Variants in ACADS observed in about 807,000 individuals in gnomAD.
ACADS encodes the protein acyl-CoA dehydrogenase short chain, also known as short-chain specific acyl-CoA dehydrogenase, mitochondrial.
Under a neutral mutation model 46.8 loss-of-function variants are expected in ACADS, and 28 were observed. The ratio of observed to expected loss-of-function variants is 0.60; its 90% confidence interval spans 0.44 to 0.82. The LOEUF (loss-of-function observed/expected upper bound fraction) is 0.82. Ranked by LOEUF, ACADS falls within the 40% of genes least tolerant of loss-of-function variation. The probability of loss-of-function intolerance (pLI) is 0.00; values close to 1 mark genes in which losing one functional copy is unlikely to be tolerated. For missense variants in ACADS, 528 were observed against 578.0 expected (o/e 0.91, Z 0.89); for synonymous variants, 236 against 237.7 (o/e 0.99, Z 0.07).
intron 6 of ACADS, 31 bp from the exon 7 acceptor site, chr12:120,738,502 G>A (rs1405218140): frequency 6.2e-7 from 1 of 1,605,910 alleles, no homozygotes; most frequent in South Asian, 1.1e-5. Context: ...CGCCCCGGCT[G>A]GCGGGCCACT....
At chr12:120,729,251 CTTTTTTCTTTTTTTT>C (rs1170957549) in intron 2 of ACADS, among the ~76,000 whole-genome samples, 2 of 135,182 alleles carry the variant, frequency 1.5e-5, no homozygotes, top group South Asian at 2.4e-4. Flanking sequence ...TTCTCTTTTT[CTTTTTTCTTTTTTTT>C]TTTTTTTTTG....
At chr12:120,735,856 A>G (rs1279234322) in intron 2 of ACADS, among the ~76,000 whole-genome samples, 1 of 151,854 alleles carries the variant, frequency 6.6e-6, no homozygotes, top group East Asian at 1.9e-4. Flanking sequence ...CGAGATCTGC[A>G]CTACTGCACT....
rs191127824 is a variant in ACADS at position 120,737,251 on chromosome 12, C to T, written c.361-105C>T. 19 of 1,529,868 alleles carry T rather than the reference C, an allele frequency of 1.2e-5. No individual in the cohort carries two copies. In the African/African-American group the frequency reaches 1.9e-4, roughly 15 times the overall value. 94.8% of individuals were successfully genotyped at this position (1,529,868 alleles called of 1,614,324 possible). A position where few individuals can be genotyped will look rare whatever the true frequency, so the allele number is the denominator to read the frequency against. Reference sequence around the variant, plus strand: ...CTCTGGAGACGTCACAGGCCTTGGTCCTACTGGGTAGGCCCTGGACAGAAC... The same window carrying T: ...CTCTGGAGACGTCACAGGCCTTGGTTCTACTGGGTAGGCCCTGGACAGAAC... On this transcript the variant is annotated intron_variant, in intron 3 of 9. Transcript: ENST00000242592.
At position 120,725,855 on chromosome 12, in the gene ACADS, G is replaced by A. The variant is rs1159423222; in HGVS notation, c.-31G>A. 1 of 1,534,858 alleles carries A rather than the reference G, an allele frequency of 6.5e-7. No homozygotes were observed. Among genetic ancestry groups the A allele is most frequent in the South Asian group, 1.2e-5 (1 of 83,836 alleles). On this transcript the variant is annotated 5_prime_UTR_variant, in exon 1 of 10. Transcript: ENST00000242592. ...CGGAACAGCGCGCTCGCAGCGGGAGGTCGCGAAGCCTGGGACTGTGTCTGT... is the reference window on the plus strand; with the variant it reads ...CGGAACAGCGCGCTCGCAGCGGGAGATCGCGAAGCCTGGGACTGTGTCTGT...
intron 2 of ACADS, among the ~76,000 whole-genome samples, chr12:120,734,002 G>A (rs1340420238): frequency 1.3e-5 from 2 of 152,154 alleles, no homozygotes; most frequent in Non-Finnish European, 2.9e-5. Context: ...TCCCTCTGCA[G>A]GCTCTGGGGA....
rs1382926332 is a variant in ACADS, at chr12:120,738,407, A to T, written c.752A>T (p.Asp251Val). The T allele has an allele frequency of 6.2e-7, 1 of 1,613,432 alleles. No individual in the cohort carries two copies. Among genetic ancestry groups the T allele is most frequent in the Admixed American group, 1.7e-5 (1 of 60,030 alleles). The change falls in exon 6 of 10, where the codon GAC becomes GTC. Residue 251 changes from aspartate (D) to valine (V), a missense_variant. By Grantham distance (152) the Asp-to-Val change is radical. Coordinates refer to ENST00000242592, the MANE Select transcript of ACADS (RefSeq NM_000017.4). ...LIFEDCRIPK[D>V]SILGEPGMGF... is the part of the protein sequence containing the mutation. The stretch of plus-strand genomic sequence containing the variant: ...TTTGAGGACTGTCGCATCCCCAAGG[A>T]CAGCATCCTGGGGGAGCCAGGGATG...
At chr12:120,734,753 ATT>A (rs34601782) in intron 2 of ACADS, among the ~76,000 whole-genome samples, 4 of 136,836 alleles carry the variant, frequency 2.9e-5, no homozygotes, top group Admixed American at 7.3e-5. Flanking sequence ...AAAAACAATA[ATT>A]TTTTTTTTTT....
rs777643097 is a variant in ACADS at position 120,739,257 on chromosome 12, C to T, written c.1087-39C>T. On this transcript the variant is annotated intron_variant, in intron 9 of 9. Coordinates refer to ENST00000242592, the MANE Select transcript of ACADS (RefSeq NM_000017.4). The stretch of plus-strand genomic sequence containing the variant: ...GCCCCTTCTCCAGCTTTCCCCACGC[C>T]GGGGTCTTCTCCCTCCTGAGCCACT... The T allele has an allele frequency of 5.1e-5, 82 of 1,612,842 alleles. No individual in the cohort carries two copies. The Admixed American group carries it at 9.8e-4, about 19-fold the overall frequency.
intron 2 of ACADS, among the ~76,000 whole-genome samples, chr12:120,730,089 T>C (rs558022496): frequency 1.3e-4 from 20 of 152,110 alleles, no homozygotes; most frequent in African/African-American, 4.3e-4. Context: ...TTCAAGCAAT[T>C]TTCCTGCCTC....
chr12:120,738,513 G>A lies in ACADS; in HGVS notation c.796-20G>A. Reference sequence around the variant, plus strand: ...CCCGCGCCCCGGCTGGCGGGCCACTGACCAGGGCGGTCCCCACAGCAAACC... The same window carrying A: ...CCCGCGCCCCGGCTGGCGGGCCACTAACCAGGGCGGTCCCCACAGCAAACC... On this transcript the variant is annotated intron_variant, in intron 6 of 9. Transcript: ENST00000242592. 1.2e-6 allele frequency: 2 copies of A among 1,606,888 alleles called. No individual in the cohort carries two copies.
At chr12:120,727,901 G>A (rs985660232) in intron 2 of ACADS, among the ~76,000 whole-genome samples, 1 of 151,956 alleles carries the variant, frequency 6.6e-6, no homozygotes, top group Admixed American at 6.6e-5. Context: ...CATACCCAAG[G>A]TCATGGAGCT....
chr12:120,738,933 C>CG lies in ACADS; in HGVS notation c.1029+19dup. ...TCATCAAGGTGCCCACAGGGGTCCC[C>CG]GAGCCATGGCCCAGAATGTGGTGGG... On this transcript the variant is annotated intron_variant, in intron 8 of 9. Transcript: ENST00000242592. The CG allele has an allele frequency of 6.2e-7, 1 of 1,612,850 alleles. No individual in the cohort carries two copies. Among genetic ancestry groups the CG allele is most frequent in the Non-Finnish European group, 8.5e-7 (1 of 1,179,744 alleles).
intron 2 of ACADS, among the ~76,000 whole-genome samples, chr12:120,729,870 G>A (rs1222525562): frequency 6.6e-6 from 1 of 152,194 alleles, no homozygotes; most frequent in Non-Finnish European, 1.5e-5. Flanking sequence ...GTGCTCTTAG[G>A]TGCTGCCCCA....
At chr12:120,738,782 C>A (rs932226538) in intron 7 of ACADS, 38 bp from the exon 8 acceptor site, 2 of 1,612,650 alleles carry the variant, frequency 1.2e-6, no homozygotes, top group African/African-American at 2.7e-5. Flanking sequence ...CCTGGAGGGG[C>A]AGCTGCTGAC....
At position 120,735,340 on chromosome 12, in the gene ACADS, G is replaced by A. The variant is rs555714187; in HGVS notation, c.211-1646G>A. ...GGATTACAGGTGTGAGTCACTGTGCGCAGTCCTTAAAAAAAAAAAAAAAAA... is the reference window on the plus strand; with the variant it reads ...GGATTACAGGTGTGAGTCACTGTGCACAGTCCTTAAAAAAAAAAAAAAAAA... On this transcript the variant is annotated intron_variant, in intron 2 of 9. Transcript: ENST00000242592. Among the ~76,000 whole-genome samples the A allele has an allele frequency of 2.7e-4, 35 of 131,458 alleles. 1 individual carries two copies. The South Asian group carries it at 9.5e-3, about 36-fold the overall frequency. The allele number at this position is 131,458 out of a possible 152,430, so 86.2% of individuals were successfully genotyped here. A position where few individuals can be genotyped will look rare whatever the true frequency, so the allele number is the denominator to read the frequency against.
At position 120,739,534 on chromosome 12, in the gene ACADS, C is replaced by T. The variant is rs374762327; in HGVS notation, c.*86C>T. On this transcript the variant is annotated 3_prime_UTR_variant, in exon 10 of 10. Coordinates refer to ENST00000242592, the MANE Select transcript of ACADS (RefSeq NM_000017.4). ...ACCCCGGCTCAGAGACTGGGCGGCC[C>T]GGCGGGGGCTCCCTGGGGACCCCAG... 33 of 1,519,520 alleles carry T rather than the reference C, an allele frequency of 2.2e-5. No individual in the cohort carries two copies. Among genetic ancestry groups the T allele is most frequent in the African/African-American group, 1.8e-4 (13 of 73,554 alleles). The allele number at this position is 1,519,520 out of a possible 1,614,324, so 94.1% of individuals were successfully genotyped here. A position where few individuals can be genotyped will look rare whatever the true frequency, so the allele number is the denominator to read the frequency against.
chr12:120,729,442 G>T (rs1245687427), intron 2 of ACADS, among the ~76,000 whole-genome samples: 1 of 151,908 alleles, frequency 6.6e-6, no homozygotes, highest in Non-Finnish European at 1.5e-5. Flanking sequence ...ATTTTTAGTA[G>T]AGATGGGGTT....
rs746361724 is a variant in ACADS at position 120,739,487 on chromosome 12, G to C, written c.*39G>C. 3.1e-6 allele frequency: 5 copies of C among 1,589,334 alleles called. No individual in the cohort carries two copies. Among genetic ancestry groups the C allele is most frequent in the Non-Finnish European group, 2.6e-6 (3 of 1,173,084 alleles). ...TGCCCCAGGACTGCGGGAAGGCGCGGGAGCCAGGGGCCTCCACCCCAACCC... is the reference window on the plus strand; with the variant it reads ...TGCCCCAGGACTGCGGGAAGGCGCGCGAGCCAGGGGCCTCCACCCCAACCC... On this transcript the variant is annotated 3_prime_UTR_variant, in exon 10 of 10. Coordinates refer to ENST00000242592, the MANE Select transcript of ACADS (RefSeq NM_000017.4).
intron 2 of ACADS, among the ~76,000 whole-genome samples, chr12:120,727,856 C>A (rs568432237): frequency 2.0e-5 from 3 of 152,012 alleles, no homozygotes; most frequent in African/African-American, 7.2e-5. Context: ...TTATTATATA[C>A]CCCATGGACT....
Sources: gnomAD v4.1 joint callset for allele counts (sites outside exome capture counted in the v4.1 genomes callset) on GRCh38, gnomAD v4.1.1 for gene constraint, MANE v1.5 for transcripts, NCBI Gene and HGNC (gene_info 2026-07-23, HGNC 2026-07-21) for gene names.